The following ZFP91 variants were observed in gnomAD, a reference collection of about 807,000 sequenced individuals.
ZFP91 encodes the protein ZFP91 zinc finger protein, atypical E3 ubiquitin ligase, also known as E3 ubiquitin-protein ligase ZFP91.
ZFP91 carries 7 observed loss-of-function variants against 63.5 expected under a neutral mutation model. The ratio of observed to expected loss-of-function variants is 0.11; its 90% CI spans 0.06 to 0.21. The LOEUF is 0.21. ZFP91 is among the 10% of genes least tolerant of loss of function. The pLI is 1.00. For synonymous variants in ZFP91, 330 were observed against 272.1 expected (o/e 1.21, Z -2.10); for missense variants, 628 against 736.6 (o/e 0.85, Z 1.71).
At chr11:58,603,487 C>T (rs1009785322) in intron 2 of ZFP91, among the ~76,000 whole-genome samples, 2 of 152,156 alleles carry the variant, frequency 1.3e-5, no homozygotes, top group African/African-American at 4.8e-5. Context: ...CTGTGGAGGA[C>T]TCTCATTTGG....
intron 2 of ZFP91, among the ~76,000 whole-genome samples, chr11:58,602,231 C>CT (rs1217090246): frequency 1.3e-5 from 2 of 152,106 alleles, no homozygotes; most frequent in African/African-American, 4.8e-5. Context: ...CCCAATATGT[C>CT]TGTTTTTTAA....
intron 1 of ZFP91, among the ~76,000 whole-genome samples, chr11:58,582,379 T>C (rs1286263410): frequency 6.6e-6 from 1 of 152,244 alleles, no homozygotes; most frequent in East Asian, 1.9e-4. Flanking sequence ...AAATGACATT[T>C]TGAAAATTTT....
intron 8 of ZFP91, among the ~76,000 whole-genome samples, chr11:58,613,958 G>A (rs758826037): frequency 2.0e-5 from 3 of 152,110 alleles, no homozygotes; most frequent in Non-Finnish European, 4.4e-5. Flanking sequence ...CTTTGAGATG[G>A]TTATTGTTAC....
chr11:58,611,338 A>T, intron 5 of ZFP91: 2 of 494,312 alleles, frequency 4.0e-6, no homozygotes, highest in Non-Finnish European at 6.9e-6. Flanking sequence ...GAATTTTTTA[A>T]CTAATTGTCT....
intron 1 of ZFP91, 151 bp from the exon 2 acceptor site, chr11:58,584,705 A>G (rs1402329245): frequency 1.6e-6 from 1 of 628,670 alleles, no homozygotes; most frequent in African/African-American, 2.0e-5. Flanking sequence ...TGGACAGTGC[A>G]GATATGTTTC....
chr11:58,581,190 T>C (rs942748536), intron 1 of ZFP91, among the ~76,000 whole-genome samples: 1 of 152,146 alleles, frequency 6.6e-6, no homozygotes, highest in African/African-American at 2.4e-5. Context: ...GTGAGGTTTT[T>C]CATATAAATT....
At chr11:58,580,470 C>A (rs1245414119) in intron 1 of ZFP91, among the ~76,000 whole-genome samples, 5 of 151,488 alleles carry the variant, frequency 3.3e-5, no homozygotes, top group Admixed American at 2.6e-4. Flanking sequence ...AAATTAATCA[C>A]ATTGACTATT....
At chr11:58,586,640 A>G (rs1855214897) in intron 2 of ZFP91, among the ~76,000 whole-genome samples, 1 of 152,230 alleles carries the variant, frequency 6.6e-6, no homozygotes, top group African/African-American at 2.4e-5. Flanking sequence ...AGATAGGTAT[A>G]TAAGAACTGT....
rs1855821428 is a variant in ZFP91, at chr11:58,620,031, T to C, written c.*2325T>C. On this transcript the variant is annotated 3_prime_UTR_variant, in exon 11 of 11. Coordinates refer to ENST00000316059, the MANE Select transcript of ZFP91 (RefSeq NM_053023.5). Reference sequence around the variant, plus strand: ...TGCATTTTTAAAAATCTTTCTGAGATGGGAGAAAATGTATTCTCCTTTCCT... The same window carrying C: ...TGCATTTTTAAAAATCTTTCTGAGACGGGAGAAAATGTATTCTCCTTTCCT... 1 of 152,186 alleles carries C rather than the reference T, an allele frequency of 6.6e-6. No individual in the cohort carries two copies. The highest frequency in any genetic ancestry group is 1.5e-5 in the Non-Finnish European group (1 of 68,034). 9.4% of individuals were successfully genotyped at this position (152,186 alleles called of 1,614,324 possible). A position where few individuals can be genotyped will look rare whatever the true frequency, so the allele number is the denominator to read the frequency against.
At chr11:58,610,196 T>C in intron 3 of ZFP91, 102 bp from the exon 4 acceptor site, 1 of 1,431,282 alleles carries the variant, frequency 7.0e-7, no homozygotes, top group Non-Finnish European at 9.6e-7. Context: ...TGCTTTTGTA[T>C]AATTACCCCA....
chr11:58,597,917 T>G (rs938596280), intron 2 of ZFP91, among the ~76,000 whole-genome samples: 1 of 152,146 alleles, frequency 6.6e-6, no homozygotes, highest in Admixed American at 6.5e-5. Context: ...GCAACTCTTA[T>G]GGGTCCCGTA....
chr11:58,610,643 A>G (rs191128151), intron 4 of ZFP91, among the ~76,000 whole-genome samples: 2 of 152,104 alleles, frequency 1.3e-5, no homozygotes, highest in Non-Finnish European at 2.9e-5. Context: ...TTGTGTTGTG[A>G]TTTATCTGTT....
chr11:58,606,118 A>G (rs1242907652), intron 2 of ZFP91, among the ~76,000 whole-genome samples: 6 of 151,896 alleles, frequency 4.0e-5, no homozygotes, highest in East Asian at 1.9e-4. Flanking sequence ...CTGGAGTGCA[A>G]TGGTGTTATC....
At chr11:58,611,567 T>C (rs1167942386) in intron 5 of ZFP91, 37 bp from the exon 6 acceptor site, 2 of 1,594,270 alleles carry the variant, frequency 1.3e-6, no homozygotes, top group East Asian at 4.5e-5. Context: ...CTTGAAAAGA[T>C]CTTTTGTCTA....
In ZFP91 at chr11:58,595,867, G is replaced by A. The variant is rs570251535; in HGVS notation, c.370+10983G>A. On this transcript the variant is annotated intron_variant, in intron 2 of 10. Coordinates refer to ENST00000316059, the MANE Select transcript of ZFP91 (RefSeq NM_053023.5). Reference sequence around the variant, plus strand: ...GCTGGGTATAGGCTTGAGCCAGCACGCCTGGCCTAGCATTAATCTCTTATT... The same window carrying A: ...GCTGGGTATAGGCTTGAGCCAGCACACCTGGCCTAGCATTAATCTCTTATT... 1.9e-3 allele frequency among the ~76,000 whole-genome samples: 287 copies of A among 152,096 alleles called. 1 individual carries two copies. The highest frequency in any genetic ancestry group is 6.4e-3 in the African/African-American group (264 of 41,442).
Position 58,617,817 on chromosome 11 carries a change from T to C in ZFP91, c.*111T>C. 1 of 1,386,834 alleles carries C rather than the reference T, an allele frequency of 7.2e-7. No homozygotes were observed. The highest frequency in any genetic ancestry group is 1.8e-5 in the South Asian group (1 of 54,726). The allele number at this position is 1,386,834 out of a possible 1,614,324, so 85.9% of individuals were successfully genotyped here. The stretch of plus-strand genomic sequence containing the variant: ...AATCTAGTGAAATAACTGAAGGGCC[T>C]GCTCTTTCCATTGTGGATCACAGCA... On this transcript the variant is annotated 3_prime_UTR_variant, in exon 11 of 11. Coordinates refer to ENST00000316059, the MANE Select transcript of ZFP91 (RefSeq NM_053023.5). This position sits in a 1 kb window ranked among gnomAD's most constrained non-coding sequence, Gnocchi z 4.2.
Position 58,618,717 on chromosome 11 carries a change from A to G in ZFP91, c.*1011A>G, listed in dbSNP as rs1449282994. 1 of 456,972 alleles carries G rather than the reference A, an allele frequency of 2.2e-6. No individual in the cohort carries two copies. The highest frequency in any genetic ancestry group is 2.3e-5 in the Admixed American group (1 of 42,566). The allele number at this position is 456,972 out of a possible 1,614,324, so 28.3% of individuals were successfully genotyped here. A position where few individuals can be genotyped will look rare whatever the true frequency, so the allele number is the denominator to read the frequency against. On this transcript the variant is annotated 3_prime_UTR_variant, in exon 11 of 11. Transcript: ENST00000316059. ...TGAAGAAGCACAGCCAGCCTCTGAAATCATAGCTCTCCAGTGGCTTTTAAA... is the reference window on the plus strand; with the variant it reads ...TGAAGAAGCACAGCCAGCCTCTGAAGTCATAGCTCTCCAGTGGCTTTTAAA...
At chr11:58,596,722 A>G (rs1430327131) in intron 2 of ZFP91, among the ~76,000 whole-genome samples, 1 of 146,476 alleles carries the variant, frequency 6.8e-6, no homozygotes, top group Non-Finnish European at 1.5e-5. Context: ...TTTTTGCCAT[A>G]TTCACAATCT....
chr11:58,615,069 T>C (rs1438806740), intron 9 of ZFP91, among the ~76,000 whole-genome samples: 1 of 152,184 alleles, frequency 6.6e-6, no homozygotes, highest in Non-Finnish European at 1.5e-5. Context: ...ATAAATGAAA[T>C]AACTCCTTCA....
Sources: allele counts gnomAD v4.1 joint callset (sites outside exome capture counted in the v4.1 genomes callset), GRCh38; gene constraint gnomAD v4.1.1; non-coding constraint Gnocchi (gnomAD v3.1); transcripts MANE v1.5; gene names NCBI Gene and HGNC (gene_info 2026-07-23, HGNC 2026-07-21).